CHST15: variants seen among roughly 807,000 people sequenced by gnomAD.
The protein encoded by CHST15 is B cell RAG associated protein (GALNAC4S-6ST).
Under a neutral mutation model 53.6 loss-of-function variants are expected in CHST15, and 30 were observed. The observed-to-expected ratio is 0.56, with a 90% CI of 0.42 to 0.76. CHST15 has a LOEUF of 0.76. CHST15 is among the 30% of genes least tolerant of loss of function. CHST15 has a pLI of 0.00. For missense variants in CHST15, 627 were observed against 740.5 expected (o/e 0.85, Z 1.78); for synonymous variants, 296 against 289.8 (o/e 1.02, Z -0.22).
Position 124,038,539 on chromosome 10 carries a change from A to G in CHST15, c.1166T>C (p.Val389Ala), listed in dbSNP as rs1202298123. The change falls in exon 5 of 8, where the codon GTC (valine) becomes GCC (alanine). Residue 389 changes from valine (V) to alanine (A), a missense_variant. Around this residue, in one of 3 missense-constraint regions of CHST15, gnomAD observed 279 missense variants for 371.6 expected, o/e 0.75. Coordinates refer to ENST00000435907, the MANE Select transcript of CHST15 (RefSeq NM_001270764.2). ...HAFQPNARLI[V>A]MLRDPVERLY... ...CCTCTCCACAGGGTCCCTGAGCATGACAATCAGTCTGGCATTTGGCTGAAA... is the reference window on the plus strand; with the variant it reads ...CCTCTCCACAGGGTCCCTGAGCATGGCAATCAGTCTGGCATTTGGCTGAAA... 11 of 1,614,132 alleles carry G rather than the reference A, an allele frequency of 6.8e-6. No individual in the cohort carries two copies. Among genetic ancestry groups the G allele is most frequent in the African/African-American group, 1.3e-5 (1 of 74,946 alleles).
At chr10:124,092,011 C>T (rs1225198732) in intron 1 of CHST15, among the ~76,000 whole-genome samples, 1 of 151,688 alleles carries the variant, frequency 6.6e-6, no homozygotes, top group East Asian at 1.9e-4. Context: ...TCAACACGCA[C>T]ACACTCGCGC....
intron 1 of CHST15, among the ~76,000 whole-genome samples, chr10:124,072,816 G>A (rs1225967874): frequency 1.3e-5 from 2 of 152,194 alleles, no homozygotes; most frequent in African/African-American, 2.4e-5. Flanking sequence ...ACCCCAGGAG[G>A]GACAGGTGCA....
chr10:124,075,475 A>G (rs564025537), intron 1 of CHST15, among the ~76,000 whole-genome samples: 9 of 152,314 alleles, frequency 5.9e-5, no homozygotes, highest in Admixed American at 3.3e-4. Flanking sequence ...CTTTGAGCTC[A>G]CATCTCCAGT....
intron 6 of CHST15, among the ~76,000 whole-genome samples, chr10:124,015,397 CGG>C: frequency 7.4e-6 from 1 of 135,974 alleles, no homozygotes; most frequent in South Asian, 2.4e-4. Context: ...CAGGGCAGGG[CGG>C]GGGGGGCTAC....
rs1946706841 is a variant in CHST15, at chr10:124,019,795, C to T, written c.1347+1461G>A. On this transcript the variant is annotated intron_variant, in intron 6 of 7. Coordinates refer to ENST00000435907, the MANE Select transcript of CHST15 (RefSeq NM_001270764.2). This position sits in a 1 kb window ranked among gnomAD's most constrained non-coding sequence, Gnocchi z 4.6. Reference sequence around the variant, plus strand: ...TCTCAGGGTGATGTCTAGACTTCTTCTGAGGCTAGACCAGGTGGTGCGGCC... The same window carrying T: ...TCTCAGGGTGATGTCTAGACTTCTTTTGAGGCTAGACCAGGTGGTGCGGCC... The T allele has an allele frequency of 2.0e-6, 2 of 985,368 alleles. No individual in the cohort carries two copies. The highest frequency in any genetic ancestry group is 3.5e-5 in the African/African-American group (2 of 57,242). The allele number at this position is 985,368 out of a possible 1,614,324, so 61.0% of individuals were successfully genotyped here.
At chr10:124,037,427 T>C (rs550723311) in intron 5 of CHST15, among the ~76,000 whole-genome samples, 42 of 152,280 alleles carry the variant, frequency 2.8e-4, no homozygotes, top group African/African-American at 9.6e-4. Context: ...TGAGTGGATG[T>C]TTCCCCAAAA....
At chr10:124,034,476 G>A (rs1363092119) in intron 5 of CHST15, among the ~76,000 whole-genome samples, 1 of 151,920 alleles carries the variant, frequency 6.6e-6, no homozygotes, top group Non-Finnish European at 1.5e-5. Flanking sequence ...CCTCAGAGGT[G>A]GGACCAGAAC....
chr10:124,089,819 C>T (rs1377891639), intron 1 of CHST15, among the ~76,000 whole-genome samples: 1 of 152,174 alleles, frequency 6.6e-6, no homozygotes, highest in Non-Finnish European at 1.5e-5. Flanking sequence ...CGCTTGTCCC[C>T]ATCCCATGAG....
Position 124,008,180 on chromosome 10 carries a change from CTTG to C in CHST15, c.*1966_*1968del, listed in dbSNP as rs1216793678. On this transcript the variant is annotated 3_prime_UTR_variant, in exon 8 of 8. Transcript: ENST00000435907. ...GCATAGGAGTGCATAAGAAAAATCC[CTTG>C]TTGTAATTATGGTTGGTGTGGAATA... The C allele has an allele frequency of 2.1e-5, 26 of 1,229,956 alleles. No homozygotes were observed. Among genetic ancestry groups the C allele is most frequent in the Middle Eastern group, 3.1e-4 (1 of 3,202 alleles). 76.2% of individuals were successfully genotyped at this position (1,229,956 alleles called of 1,614,324 possible).
In CHST15 at chr10:124,024,637, G is replaced by A. The variant is rs1590202344; in HGVS notation, c.1191-3225C>T. Among the ~76,000 whole-genome samples the A allele has an allele frequency of 6.6e-6, 1 of 152,198 alleles. No homozygotes were observed. Among genetic ancestry groups the A allele is most frequent in the Non-Finnish European group, 1.5e-5 (1 of 68,042 alleles). On this transcript the variant is annotated intron_variant, in intron 5 of 7. Coordinates refer to ENST00000435907, the MANE Select transcript of CHST15 (RefSeq NM_001270764.2). This position sits in a 1 kb window ranked among gnomAD's most constrained non-coding sequence, Gnocchi z 4.0. ...TACTGGTGTCCCCAACATCACCTGTGCTATTTTCCTTCTTCAGAATTAGAA... is the reference window on the plus strand; with the variant it reads ...TACTGGTGTCCCCAACATCACCTGTACTATTTTCCTTCTTCAGAATTAGAA...
At chr10:124,091,773 A>T (rs1202085085) in intron 1 of CHST15, among the ~76,000 whole-genome samples, 6 of 151,764 alleles carry the variant, frequency 4.0e-5, no homozygotes, top group African/African-American at 1.5e-4. Context: ...CGCCCCCAGG[A>T]GCTGGTCCCA....
At chr10:124,054,929 C>T (rs1423980983) in intron 1 of CHST15, among the ~76,000 whole-genome samples, 1 of 152,212 alleles carries the variant, frequency 6.6e-6, no homozygotes, top group African/African-American at 2.4e-5. Context: ...TGACCTGTCT[C>T]TTCCTGCATA....
intron 1 of CHST15, among the ~76,000 whole-genome samples, chr10:124,071,862 A>G (rs187811862): frequency 6.6e-6 from 1 of 152,298 alleles, no homozygotes; most frequent in East Asian, 1.9e-4. Flanking sequence ...TAAAATTTCC[A>G]TTCTTCGGCC....
chr10:124,057,005 C>A (rs1173515702), intron 1 of CHST15, among the ~76,000 whole-genome samples: 4 of 152,214 alleles, frequency 2.6e-5, no homozygotes, highest in South Asian at 2.1e-4. Context: ...GGACACGCTG[C>A]GGCCCAGGTG....
chr10:124,079,186 C>A (rs1949165072), intron 1 of CHST15, among the ~76,000 whole-genome samples: 1 of 152,154 alleles, frequency 6.6e-6, no homozygotes, highest in African/African-American at 2.4e-5. Context: ...GTTTTGTCCA[C>A]CATTTAAAAA....
At chr10:124,085,469 T>A (rs191251444) in intron 1 of CHST15, among the ~76,000 whole-genome samples, 226 of 152,342 alleles carry the variant, frequency 1.5e-3, no homozygotes, top group Non-Finnish European at 2.5e-3. Flanking sequence ...GAGTGACAAG[T>A]GTGAGCTCTC....
At chr10:124,033,475 T>C (rs576542085) in intron 5 of CHST15, among the ~76,000 whole-genome samples, 37 of 152,334 alleles carry the variant, frequency 2.4e-4, no homozygotes, top group African/African-American at 8.7e-4. Flanking sequence ...CGGTTCTTGG[T>C]ATTCACACCC....
At chr10:124,086,974 T>C (rs985516356) in intron 1 of CHST15, among the ~76,000 whole-genome samples, 1 of 152,142 alleles carries the variant, frequency 6.6e-6, no homozygotes, top group African/African-American at 2.4e-5. Flanking sequence ...ATCTAACACC[T>C]GGGCTAAAAG....
chr10:124,070,774 G>T (rs576084314), intron 1 of CHST15, among the ~76,000 whole-genome samples: 1 of 152,106 alleles, frequency 6.6e-6, no homozygotes, highest in Non-Finnish European at 1.5e-5. Context: ...GCTGCATCTC[G>T]CAGGCTGGTG....
Sources: gnomAD v4.1 joint callset for allele counts (sites outside exome capture counted in the v4.1 genomes callset) on GRCh38, gnomAD v4.1.1 for gene constraint, gnomAD v4.1.1 regional missense constraint, Gnocchi (gnomAD v3.1) non-coding constraint, MANE v1.5 for transcripts, NCBI Gene and HGNC (gene_info 2026-07-23, HGNC 2026-07-21) for gene names.